The following RYR2 variants were observed in gnomAD, a reference collection of about 807,000 sequenced individuals.
The protein encoded by RYR2 is ryanodine receptor 2, also known as cardiac muscle ryanodine receptor-calcium release channel.
Under a neutral mutation model 601.1 loss-of-function variants are expected in RYR2, and 227 were observed. The observed-to-expected ratio is 0.38, with a 90% CI of 0.34 to 0.42. The LOEUF (loss-of-function observed/expected upper bound fraction) is 0.42, where lower values mean the gene tolerates loss of function less well. RYR2 is among the 10% of genes least tolerant of loss of function. The probability of loss-of-function intolerance (pLI) is 1.00; values close to 1 mark genes in which losing one functional copy is unlikely to be tolerated. For missense variants in RYR2, 4,646 were observed against 6,156.5 expected (o/e 0.75, Z 8.21); for synonymous variants, 2,223 against 2,175.1 (o/e 1.02, Z -0.61).
chr1:237,549,851 C>G (rs1207128488), intron 26 of RYR2, among the ~76,000 whole-genome samples: 1 of 151,982 alleles, frequency 6.6e-6, no homozygotes, highest in Non-Finnish European at 1.5e-5. Context: ...TGCATCTCCC[C>G]GATCCCATGG....
intron 21 of RYR2, among the ~76,000 whole-genome samples, chr1:237,502,112 T>C (rs1320348199): frequency 2.6e-5 from 4 of 152,182 alleles, no homozygotes; most frequent in Non-Finnish European, 5.9e-5. Flanking sequence ...AACCTGTGAC[T>C]GTGTCACTGC....
chr1:237,625,513 G>C, intron 39 of RYR2, 148 bp from the exon 40 acceptor site: 1 of 718,952 alleles, frequency 1.4e-6, no homozygotes, highest in Non-Finnish European at 2.2e-6. Context: ...TATTTATGAG[G>C]GCTGGTAAGC....
chr1:237,415,917 A>T (rs948587276), intron 10 of RYR2, among the ~76,000 whole-genome samples: 1 of 152,176 alleles, frequency 6.6e-6, no homozygotes, highest in African/African-American at 2.4e-5. Flanking sequence ...GGTTGTCCCT[A>T]TGTTGATCAT....
At chr1:237,117,971 C>A (rs1016720256) in intron 1 of RYR2, among the ~76,000 whole-genome samples, 2 of 152,152 alleles carry the variant, frequency 1.3e-5, no homozygotes, top group South Asian at 2.1e-4. Flanking sequence ...GCCTCGAATT[C>A]CTGACCTCAG....
intron 88 of RYR2, among the ~76,000 whole-genome samples, chr1:237,779,440 A>G (rs748428853): frequency 1.3e-5 from 2 of 152,226 alleles, no homozygotes; most frequent in Non-Finnish European, 2.9e-5. Flanking sequence ...TTTTGATGGT[A>G]TAATCTGAGA....
chr1:237,712,545 TCACA>T (rs146589799), intron 71 of RYR2, among the ~76,000 whole-genome samples: 1 of 149,970 alleles, frequency 6.7e-6, no homozygotes, highest in Admixed American at 6.7e-5. Context: ...ACACACACAC[TCACA>T]CACACACACA....
chr1:237,058,562 A>G (rs1662452043), intron 1 of RYR2, among the ~76,000 whole-genome samples: 1 of 152,222 alleles, frequency 6.6e-6, no homozygotes, highest in Non-Finnish European at 1.5e-5. Context: ...TTAACAACAG[A>G]GCATATATCT....
At chr1:237,792,637 C>G (rs973880476) in intron 94 of RYR2, among the ~76,000 whole-genome samples, 1 of 152,082 alleles carries the variant, frequency 6.6e-6, no homozygotes, top group Non-Finnish European at 1.5e-5. Flanking sequence ...GGCATTGGAG[C>G]CTGGCCTTTT....
chr1:237,491,183 TC>T (rs1422155152), intron 17 of RYR2, among the ~76,000 whole-genome samples: 1 of 152,244 alleles, frequency 6.6e-6, no homozygotes, highest in Non-Finnish European at 1.5e-5. Context: ...CGATTTTTAA[TC>T]CCGTTTTATA....
intron 1 of RYR2, among the ~76,000 whole-genome samples, chr1:237,155,552 C>A (rs1400236538): frequency 6.6e-6 from 1 of 152,128 alleles, no homozygotes; most frequent in Non-Finnish European, 1.5e-5. Flanking sequence ...TGATTGGAAA[C>A]TAAAGGGAGA....
intron 8 of RYR2, among the ~76,000 whole-genome samples, chr1:237,382,640 C>T (rs1013238700): frequency 3.3e-5 from 5 of 149,594 alleles, no homozygotes; most frequent in Non-Finnish European, 7.4e-5. Context: ...CGTTTTCTAT[C>T]GTTGCGATAG....
At chr1:237,544,077 CAAT>C (rs1213838360) in intron 25 of RYR2, among the ~76,000 whole-genome samples, 1 of 151,914 alleles carries the variant, frequency 6.6e-6, no homozygotes, top group African/African-American at 2.4e-5. Flanking sequence ...TGATTACTCT[CAAT>C]GTTGTTGTTT....
intron 25 of RYR2, among the ~76,000 whole-genome samples, chr1:237,547,460 G>A (rs1669948414): frequency 6.6e-6 from 1 of 152,176 alleles, no homozygotes. Context: ...AACTGTATAT[G>A]AAAAGGCTGT....
chr1:237,421,973 A>G (rs934892109), intron 11 of RYR2, among the ~76,000 whole-genome samples: 5 of 152,178 alleles, frequency 3.3e-5, no homozygotes, highest in South Asian at 2.1e-4. Flanking sequence ...TGCTTGTTGA[A>G]TCTTTTCTAC....
chr1:237,094,718 A>C (rs1310510820), intron 1 of RYR2, among the ~76,000 whole-genome samples: 1 of 152,080 alleles, frequency 6.6e-6, no homozygotes, highest in Admixed American at 6.6e-5. Context: ...TAGCCTTCCG[A>C]GTAGCTGGGA....
chr1:237,135,667 C>T (rs1028593696), intron 1 of RYR2, among the ~76,000 whole-genome samples: 9 of 152,130 alleles, frequency 5.9e-5, no homozygotes, highest in Admixed American at 2.6e-4. Flanking sequence ...TGAGCCACCG[C>T]GCCCGGCCCC....
At chr1:237,579,541 T>C (rs7527508) in intron 29 of RYR2, among the ~76,000 whole-genome samples, 45,378 of 151,876 alleles carry the variant, frequency 0.3, 7,253 homozygotes, top group East Asian at 0.61. Context: ...AGGCGTGAGC[T>C]GCTGCACTGG....
At chr1:237,439,397 C>A (rs993759097) in intron 12 of RYR2, among the ~76,000 whole-genome samples, 1 of 152,176 alleles carries the variant, frequency 6.6e-6, no homozygotes, top group Non-Finnish European at 1.5e-5. Context: ...GTAATCCCTG[C>A]CCTTTGGGAG....
At position 237,503,525 on chromosome 1, in the gene RYR2, T is replaced by C. The variant is rs763278387; in HGVS notation, c.2613+20T>C. Reference sequence around the variant, plus strand: ...AGCCAGGTACCAAGATCCACTCGAATGGCAATCACTGGTATTGCAGTCATG... The same window carrying C: ...AGCCAGGTACCAAGATCCACTCGAACGGCAATCACTGGTATTGCAGTCATG... On this transcript the variant is annotated intron_variant, in intron 22 of 104. Transcript: ENST00000366574. The C allele has an allele frequency of 1.9e-6, 3 of 1,609,748 alleles. No individual in the cohort carries two copies. Among genetic ancestry groups the C allele is most frequent in the South Asian group, 1.1e-5 (1 of 90,984 alleles).
Sources: gnomAD v4.1 joint callset for allele counts (sites outside exome capture counted in the v4.1 genomes callset) on GRCh38, gnomAD v4.1.1 for gene constraint, MANE v1.5 for transcripts, NCBI Gene and HGNC (gene_info 2026-07-23, HGNC 2026-07-21) for gene names.